KCNQ5: variants seen among roughly 807,000 people sequenced by gnomAD.
The protein encoded by KCNQ5 is potassium voltage-gated channel subfamily Q member 5, also known as potassium voltage-gated channel subfamily KQT member 5.
Under a neutral mutation model 98.2 loss-of-function variants are expected in KCNQ5, and 30 were observed. That is an observed-to-expected ratio of 0.31 (90% CI 0.23 to 0.41). The LOEUF (loss-of-function observed/expected upper bound fraction) is 0.41, where lower values mean the gene tolerates loss of function less well. Among genes scored for constraint, KCNQ5 ranks in the 10% least tolerant of loss-of-function variants. The pLI is 1.00. For synonymous variants in KCNQ5, 458 were observed against 449.4 expected (o/e 1.02, Z -0.24); for missense variants, 835 against 1,182.5 (o/e 0.71, Z 4.31).
chr6:72,847,104 A>C (rs1777053759), intron 1 of KCNQ5, among the ~76,000 whole-genome samples: 1 of 151,930 alleles, frequency 6.6e-6, no homozygotes, highest in African/African-American at 2.4e-5. Flanking sequence ...ATTGTCTCTT[A>C]AAAAAATAAT....
Position 73,088,894 on chromosome 6 carries a change from C to G in KCNQ5, c.918+11007C>G, listed in dbSNP as rs185466980. Among the ~76,000 whole-genome samples, 172 of 152,262 alleles carry G rather than the reference C, an allele frequency of 1.1e-3. 1 individual carries two copies. The highest frequency in any genetic ancestry group is 4.0e-3 in the African/African-American group (167 of 41,536). ...AACTTCCTAAACATTTCTCTTTACT[C>G]TCCACTCTCATAGTGTCTTAACTGG... On this transcript the variant is annotated intron_variant, in intron 5 of 13. Coordinates refer to ENST00000370398, the MANE Select transcript of KCNQ5 (RefSeq NM_019842.4).
intron 6 of KCNQ5, among the ~76,000 whole-genome samples, chr6:73,106,979 A>C (rs1775027001): frequency 6.6e-6 from 1 of 152,310 alleles, no homozygotes; most frequent in South Asian, 2.1e-4. Context: ...TTAAAAAAAA[A>C]AAAATCTTAC....
At chr6:73,132,403 A>G (rs1435972662) in intron 9 of KCNQ5, among the ~76,000 whole-genome samples, 1 of 152,166 alleles carries the variant, frequency 6.6e-6, no homozygotes, top group Non-Finnish European at 1.5e-5. Context: ...AAACAAGAAA[A>G]AAAAACAGAA....
intron 1 of KCNQ5, among the ~76,000 whole-genome samples, chr6:72,898,332 C>A (rs142779766): frequency 2.1e-3 from 318 of 152,210 alleles, no homozygotes; most frequent in African/African-American, 7.2e-3. Context: ...CCACTCCCCA[C>A]CCCCGGCTAT....
intron 1 of KCNQ5, among the ~76,000 whole-genome samples, chr6:72,743,849 C>T (rs572747183): frequency 3.9e-5 from 6 of 152,224 alleles, no homozygotes; most frequent in Non-Finnish European, 7.4e-5. Flanking sequence ...TTTATTGTAT[C>T]TTTCATGGTA....
At chr6:72,766,634 C>G (rs998363478) in intron 1 of KCNQ5, among the ~76,000 whole-genome samples, 2 of 151,904 alleles carry the variant, frequency 1.3e-5, no homozygotes, top group African/African-American at 4.8e-5. Context: ...TTTGCTAACA[C>G]TTTCTATGTT....
chr6:73,127,731 A>G (rs77732172), intron 9 of KCNQ5, among the ~76,000 whole-genome samples: 3,378 of 152,292 alleles, frequency 0.022, 125 homozygotes, highest in African/African-American at 0.075. Flanking sequence ...GCTAAGGAAA[A>G]ATGTCACATT....
Position 72,628,424 on chromosome 6 carries a change from C to T in KCNQ5, c.398+5837C>T, listed in dbSNP as rs367939951. On this transcript the variant is annotated intron_variant, in intron 1 of 13. Coordinates refer to ENST00000370398, the MANE Select transcript of KCNQ5 (RefSeq NM_019842.4). The stretch of plus-strand genomic sequence containing the variant: ...CTGTGATCCGAGATGGTGGAGGATA[C>T]TGTAGAGAGTCTAAAATGCTATCAT... Among the ~76,000 whole-genome samples the T allele has an allele frequency of 4.6e-5, 7 of 152,268 alleles. No individual in the cohort carries two copies. In the East Asian group the frequency reaches 9.6e-4, roughly 21 times the overall value.
At chr6:72,861,959 C>G (rs771362534) in intron 1 of KCNQ5, among the ~76,000 whole-genome samples, 1 of 152,064 alleles carries the variant, frequency 6.6e-6, no homozygotes, top group Non-Finnish European at 1.5e-5. Flanking sequence ...GCTCCTTTTT[C>G]CTGCCCTCTG....
chr6:72,792,544 G>A (rs193053259), intron 1 of KCNQ5, among the ~76,000 whole-genome samples: 3 of 152,118 alleles, frequency 2.0e-5, no homozygotes, highest in South Asian at 2.1e-4. Context: ...TTTCAGTGAC[G>A]ATGGGTCATG....
In KCNQ5 at chr6:72,888,936, G is replaced by A. The variant is rs150270973; in HGVS notation, c.399-114972G>A. ...TCTTCATGGAGCCCACAGTCTGTAT[G>A]TACATCTATGTGTCTGTGTCTCTGT... On this transcript the variant is annotated intron_variant, in intron 1 of 13. Coordinates refer to ENST00000370398, the MANE Select transcript of KCNQ5 (RefSeq NM_019842.4). Among the ~76,000 whole-genome samples, 117 of 152,236 alleles carry A rather than the reference G, an allele frequency of 7.7e-4. 1 individual carries two copies. The highest frequency in any genetic ancestry group is 3.4e-3 in the Middle Eastern group (1 of 294).
At chr6:73,178,663 C>T (rs1407848382) in intron 11 of KCNQ5, among the ~76,000 whole-genome samples, 2 of 151,818 alleles carry the variant, frequency 1.3e-5, no homozygotes, top group East Asian at 3.9e-4. Context: ...GAGTTAAAAC[C>T]AAGAAAATGA....
chr6:73,054,927 A>G (rs192115990), intron 3 of KCNQ5, among the ~76,000 whole-genome samples: 1 of 152,256 alleles, frequency 6.6e-6, no homozygotes, highest in Non-Finnish European at 1.5e-5. Flanking sequence ...GTATGATTCT[A>G]TGCCCAGAAA....
intron 1 of KCNQ5, among the ~76,000 whole-genome samples, chr6:72,856,538 A>G (rs940173542): frequency 3.9e-5 from 6 of 152,056 alleles, no homozygotes; most frequent in Admixed American, 1.3e-4. Context: ...AGGGTAGACA[A>G]GTTGGGCAAA....
chr6:72,968,681 C>T (rs984722579), intron 1 of KCNQ5, among the ~76,000 whole-genome samples: 1 of 152,174 alleles, frequency 6.6e-6, no homozygotes, highest in African/African-American at 2.4e-5. Flanking sequence ...TCTCCTAAAA[C>T]TAACTAAAGT....
At chr6:72,774,318 C>T (rs190508385) in intron 1 of KCNQ5, among the ~76,000 whole-genome samples, 44 of 152,176 alleles carry the variant, frequency 2.9e-4, no homozygotes, top group African/African-American at 1.0e-3. Flanking sequence ...TGTCTGAACT[C>T]CAATAAAACT....
chr6:72,975,358 C>G (rs1226211576), intron 1 of KCNQ5, among the ~76,000 whole-genome samples: 1 of 151,986 alleles, frequency 6.6e-6, no homozygotes, highest in Non-Finnish European at 1.5e-5. Flanking sequence ...AGCTTTAAAG[C>G]TGACTGTGAA....
At chr6:72,669,879 T>C (rs932488003) in intron 1 of KCNQ5, among the ~76,000 whole-genome samples, 3 of 152,166 alleles carry the variant, frequency 2.0e-5, no homozygotes, top group African/African-American at 7.2e-5. Context: ...GCTTAGTTGC[T>C]TAGTGTTCTC....
intron 9 of KCNQ5, chr6:73,129,939 C>A: frequency 1.0e-6 from 1 of 997,804 alleles, no homozygotes; most frequent in Non-Finnish European, 1.5e-6. Flanking sequence ...CCCACCTGAG[C>A]CCTGTTCAGA....
Sources: gnomAD v4.1 joint callset for allele counts (sites outside exome capture counted in the v4.1 genomes callset) on GRCh38, gnomAD v4.1.1 for gene constraint, MANE v1.5 for transcripts, NCBI Gene and HGNC (gene_info 2026-07-23, HGNC 2026-07-21) for gene names.